Variants in SEC22A observed in about 807,000 individuals in gnomAD.
The protein encoded by SEC22A is SEC22 homolog A, vesicle trafficking protein, also known as vesicle-trafficking protein SEC22a.
SEC22A carries 22 observed loss-of-function variants against 35.3 expected under a neutral mutation model. The observed-to-expected ratio is 0.62, with a 90% CI of 0.45 to 0.89. SEC22A has a LOEUF of 0.89. Ranked by LOEUF, SEC22A falls within the 40% of genes least tolerant of loss-of-function variation. The pLI is 0.00. For synonymous variants in SEC22A, 119 were observed against 129.5 expected, an observed-to-expected ratio of 0.92 and a Z score of 0.55; for missense variants, 354 against 362.5, an observed-to-expected ratio of 0.98 and a Z score of 0.19.
chr3:123,228,709 A>C (rs1246777263), intron 4 of SEC22A, among the ~76,000 whole-genome samples: 1 of 152,230 alleles, frequency 6.6e-6, no homozygotes, highest in East Asian at 1.9e-4. Flanking sequence ...GAGGCTTCAA[A>C]GTAGTCATTA....
At chr3:123,251,900 C>G (rs1013460514) in intron 5 of SEC22A, among the ~76,000 whole-genome samples, 1 of 152,124 alleles carries the variant, frequency 6.6e-6, no homozygotes. Flanking sequence ...TGTTAGAATT[C>G]TCTGCTTTGT....
At chr3:123,249,893 C>T (rs561679041) in intron 5 of SEC22A, among the ~76,000 whole-genome samples, 40 of 152,024 alleles carry the variant, frequency 2.6e-4, no homozygotes, top group African/African-American at 9.6e-4. Flanking sequence ...GGGTCCATGA[C>T]CAAATATAGG....
chr3:123,267,358 A>AT (rs1409415997), intron 6 of SEC22A, among the ~76,000 whole-genome samples: 1 of 147,358 alleles, frequency 6.8e-6, no homozygotes, highest in Non-Finnish European at 1.5e-5. Context: ...TATCTGTAGT[A>AT]TTTTTTAGTG....
intron 4 of SEC22A, among the ~76,000 whole-genome samples, chr3:123,244,159 A>T (rs984569306): frequency 1.3e-5 from 2 of 152,238 alleles, no homozygotes; most frequent in Non-Finnish European, 2.9e-5. Flanking sequence ...AAATGTGATT[A>T]AATATCTAGT....
intron 4 of SEC22A, among the ~76,000 whole-genome samples, chr3:123,244,334 G>T (rs1325737286): frequency 1.3e-5 from 2 of 152,138 alleles, no homozygotes; most frequent in African/African-American, 4.8e-5. Context: ...CAGTGATTTG[G>T]CACAACGCCA....
rs368404721 is a variant in SEC22A, at chr3:123,236,364, T to TA, written c.542-9533dup. On this transcript the variant is annotated intron_variant, in intron 4 of 6. Transcript: ENST00000492595. ...TTCTATAGAATATATATGTCTGATCTAATATAGAATTTAATCAACTATAAT... is the reference window on the plus strand; with the variant it reads ...TTCTATAGAATATATATGTCTGATCTAAATATAGAATTTAATCAACTATAAT... 1.3e-4 allele frequency among the ~76,000 whole-genome samples: 20 copies of TA among 152,290 alleles called. No individual in the cohort carries two copies. The East Asian group carries it at 3.9e-3, about 29-fold the overall frequency.
intron 5 of SEC22A, among the ~76,000 whole-genome samples, chr3:123,255,203 A>G (rs1937699752): frequency 6.6e-6 from 1 of 152,310 alleles, no homozygotes; most frequent in African/African-American, 2.4e-5. Flanking sequence ...TTAATAGTTT[A>G]ATGTATTTAC....
Position 123,271,987 on chromosome 3 carries a change from TG to T in SEC22A, c.*267del. ...CAGTGGAAGAACAGTCATATGCCAT[TG>T]GAAGTCTTGGCCAGCAGTCCTGAAT... is the stretch of plus-strand genomic sequence containing the variant. On this transcript the variant is annotated 3_prime_UTR_variant, in exon 7 of 7. Transcript: ENST00000492595. The T allele has an allele frequency of 2.2e-6, 1 of 463,552 alleles. No individual in the cohort carries two copies. Among genetic ancestry groups the T allele is most frequent in the South Asian group, 2.6e-5 (1 of 37,742 alleles). 28.7% of individuals were successfully genotyped at this position (463,552 alleles called of 1,614,324 possible).
chr3:123,226,463 T>C (rs935566687), intron 4 of SEC22A, among the ~76,000 whole-genome samples: 1 of 152,252 alleles, frequency 6.6e-6, no homozygotes, highest in African/African-American at 2.4e-5. Context: ...TGAGCACCTT[T>C]TCATATACCT....
intron 1 of SEC22A, among the ~76,000 whole-genome samples, chr3:123,207,202 G>A (rs886831531): frequency 6.6e-5 from 10 of 152,090 alleles, no homozygotes; most frequent in African/African-American, 2.4e-4. Context: ...TATTAGTTGG[G>A]TTAATTTTTA....
At chr3:123,261,890 G>A (rs1318353313) in intron 6 of SEC22A, among the ~76,000 whole-genome samples, 1 of 152,134 alleles carries the variant, frequency 6.6e-6, no homozygotes, top group African/African-American at 2.4e-5. Flanking sequence ...GAACAGCCTC[G>A]AGTAGTTCTG....
intron 4 of SEC22A, among the ~76,000 whole-genome samples, chr3:123,242,007 AC>A (rs968493267): frequency 8.6e-5 from 13 of 151,868 alleles, no homozygotes; most frequent in African/African-American, 3.1e-4. Flanking sequence ...TAAGTCTAAT[AC>A]TTTTTACTTT....
Position 123,272,481 on chromosome 3 carries a change from T to C in SEC22A, c.*759T>C, listed in dbSNP as rs1938194554. ...CTACTTGTATTATTTTCTTAATATT[T>C]ATCTTTTAAATTTTAAAGTTTTTTT... On this transcript the variant is annotated 3_prime_UTR_variant, in exon 7 of 7. Coordinates refer to ENST00000492595, the MANE Select transcript of SEC22A (RefSeq NM_012430.5). The C allele has an allele frequency of 6.6e-6, 1 of 152,206 alleles. No individual in the cohort carries two copies. Among genetic ancestry groups the C allele is most frequent in the African/African-American group, 2.4e-5 (1 of 41,448 alleles). The allele number at this position is 152,206 out of a possible 1,614,324, so 9.4% of individuals were successfully genotyped here.
chr3:123,213,529 A>G (rs1375094169), intron 2 of SEC22A, among the ~76,000 whole-genome samples: 1 of 152,128 alleles, frequency 6.6e-6, no homozygotes, highest in Non-Finnish European at 1.5e-5. Flanking sequence ...TATGTCTCTA[A>G]TGATCTCACT....
intron 6 of SEC22A, among the ~76,000 whole-genome samples, chr3:123,269,855 A>G (rs1206836354): frequency 8.6e-5 from 13 of 152,046 alleles, no homozygotes; most frequent in Non-Finnish European, 1.8e-4. Flanking sequence ...GATGGTCTCA[A>G]TCTCCTGACC....
intron 5 of SEC22A, among the ~76,000 whole-genome samples, chr3:123,248,127 T>C (rs958331593): frequency 2.6e-5 from 4 of 152,166 alleles, no homozygotes; most frequent in Non-Finnish European, 5.9e-5. Context: ...AGAAACTAGA[T>C]GCTTCCCCCT....
At chr3:123,225,362 A>G (rs975403012) in intron 4 of SEC22A, 65 bp downstream of exon 4, 1 of 947,160 alleles carries the variant, frequency 1.1e-6, no homozygotes, top group African/African-American at 1.6e-5. Context: ...GAAACTCTTG[A>G]AAATGAATTA....
At chr3:123,258,089 A>T (rs1205969133) in intron 5 of SEC22A, among the ~76,000 whole-genome samples, 2 of 152,080 alleles carry the variant, frequency 1.3e-5, no homozygotes, top group Non-Finnish European at 2.9e-5. Context: ...ATCCAATTGT[A>T]GGACAATAAA....
rs768253516 is a variant in SEC22A, at chr3:123,225,037, ACAT to A, written c.347-62_347-60del. ...TACCTGTAATATTTACTATCCATAA[ACAT>A]CATATTCTGAAATGATTAATTGACA... On this transcript the variant is annotated intron_variant, in intron 3 of 6. Transcript: ENST00000492595. The A allele has an allele frequency of 1.5e-4, 153 of 1,041,558 alleles. 1 individual carries two copies. In the Middle Eastern group the frequency reaches 2.0e-3, roughly 13 times the overall value. The allele number at this position is 1,041,558 out of a possible 1,614,324, so 64.5% of individuals were successfully genotyped here.
Sources: allele counts gnomAD v4.1 joint callset (sites outside exome capture counted in the v4.1 genomes callset), GRCh38; gene constraint gnomAD v4.1.1; transcripts MANE v1.5; gene names NCBI Gene and HGNC (gene_info 2026-07-23, HGNC 2026-07-21).